NHSL1: variants seen among roughly 807,000 people sequenced by gnomAD.
The protein encoded by NHSL1 is NHS like 1, also known as NHS-like protein 1.
NHSL1 carries 48 observed loss-of-function variants against 95.0 expected under a neutral mutation model. The ratio of observed to expected loss-of-function variants is 0.51; its 90% CI spans 0.40 to 0.64. The LOEUF (loss-of-function observed/expected upper bound fraction) is 0.64, where lower values mean the gene tolerates loss of function less well. Among genes scored for constraint, NHSL1 ranks in the 30% least tolerant of loss-of-function variants. The pLI is 0.00. For missense variants in NHSL1, 1,971 were observed against 2,077.7 expected, an observed-to-expected ratio of 0.95 and a Z score of 1.00; for synonymous variants, 783 against 833.9, an observed-to-expected ratio of 0.94 and a Z score of 1.05.
At chr6:138,558,369 G>A (rs1470262197) in intron 1 of NHSL1, among the ~76,000 whole-genome samples, 1 of 151,206 alleles carries the variant, frequency 6.6e-6, no homozygotes, top group African/African-American at 2.4e-5. Context: ...TGATCCACCT[G>A]CGTCAGCCTC....
chr6:138,592,856 T>G (rs1489417335), intron 1 of NHSL1, among the ~76,000 whole-genome samples: 1 of 152,176 alleles, frequency 6.6e-6, no homozygotes, highest in Non-Finnish European at 1.5e-5. Context: ...TAGACAATAA[T>G]TAACCTTTCT....
At chr6:138,627,404 T>C (rs1784755051) in intron 1 of NHSL1, among the ~76,000 whole-genome samples, 1 of 152,234 alleles carries the variant, frequency 6.6e-6, no homozygotes, top group Non-Finnish European at 1.5e-5. Context: ...TGTATTAACA[T>C]TATAGACTAC....
chr6:138,671,014 A>G (rs1785360937), intron 1 of NHSL1, among the ~76,000 whole-genome samples: 1 of 152,000 alleles, frequency 6.6e-6, no homozygotes, highest in Admixed American at 6.6e-5. Flanking sequence ...TTAGCCAGGC[A>G]TGGTGGTGCA....
At chr6:138,650,498 G>A (rs1177620490) in intron 1 of NHSL1, 4 of 730,852 alleles carry the variant, frequency 5.5e-6, no homozygotes, top group Admixed American at 4.0e-5. Context: ...CATCCACCAG[G>A]TAGGCACTGA....
chr6:138,439,489 T>A (rs1358885776), intron 5 of NHSL1, among the ~76,000 whole-genome samples: 1 of 152,164 alleles, frequency 6.6e-6, no homozygotes, highest in Admixed American at 6.5e-5. Flanking sequence ...TGTAAAATAC[T>A]GGGAAAAAAG....
intron 1 of NHSL1, among the ~76,000 whole-genome samples, chr6:138,595,994 G>GA (rs1156703334): frequency 6.6e-6 from 1 of 151,428 alleles, no homozygotes; most frequent in Non-Finnish European, 1.5e-5. Context: ...AACCCCAAGA[G>GA]AAAAAAAGGC....
At chr6:138,489,577 C>A (rs1367766788) in intron 2 of NHSL1, among the ~76,000 whole-genome samples, 1 of 151,544 alleles carries the variant, frequency 6.6e-6, no homozygotes, top group African/African-American at 2.4e-5. Context: ...CCAGACAGGG[C>A]AACAAGGCAA....
At chr6:138,567,376 A>C (rs1035158968) in intron 1 of NHSL1, among the ~76,000 whole-genome samples, 6 of 152,234 alleles carry the variant, frequency 3.9e-5, no homozygotes, top group Admixed American at 3.9e-4. Flanking sequence ...TGTTATGCCC[A>C]CTTCGGCCTC....
chr6:138,446,878 A>C, intron 4 of NHSL1, 123 bp downstream of exon 4: 1 of 813,120 alleles, frequency 1.2e-6, no homozygotes, highest in South Asian at 1.7e-5. Flanking sequence ...TTAAACAAAG[A>C]GCATGAAGTT....
chr6:138,498,464 C>T (rs1780486814), intron 1 of NHSL1, among the ~76,000 whole-genome samples: 1 of 152,190 alleles, frequency 6.6e-6, no homozygotes, highest in African/African-American at 2.4e-5. Flanking sequence ...TTGTAGCTTT[C>T]TCCAAAGCTC....
exon 1 of NHSL1, chr6:138,572,147 C>A: frequency 2.3e-6 from 1 of 441,336 alleles, no homozygotes. Flanking sequence ...TTGTGGACTC[C>A]GTTTCTAGAT....
At chr6:138,613,272 C>G (rs572585768) in intron 1 of NHSL1, among the ~76,000 whole-genome samples, 1 of 152,240 alleles carries the variant, frequency 6.6e-6, no homozygotes, top group South Asian at 2.1e-4. Flanking sequence ...GGTTTCTGAT[C>G]GAGGTGGAGT....
At chr6:138,566,608 A>G (rs1447625790) in intron 1 of NHSL1, among the ~76,000 whole-genome samples, 1 of 151,730 alleles carries the variant, frequency 6.6e-6, no homozygotes, top group South Asian at 2.1e-4. Flanking sequence ...CATATTTTTC[A>G]TAATTTAAAT....
At chr6:138,559,142 C>T (rs1783315929) in intron 1 of NHSL1, among the ~76,000 whole-genome samples, 1 of 152,164 alleles carries the variant, frequency 6.6e-6, no homozygotes, top group Non-Finnish European at 1.5e-5. Context: ...GGCTAGAATC[C>T]AAAAATTGGA....
In NHSL1 at chr6:138,430,542, G is replaced by A; in HGVS notation, c.3803C>T (p.Ala1268Val). The change falls in exon 6 of 8, where the codon GCA becomes GTA. Residue 1268 changes from alanine (A) to valine (V), a missense_variant. By Grantham distance (64) the Ala-to-Val change is moderately conservative (BLOSUM62 0). Transcript: ENST00000343505. The surrounding 1 kb of genome is among the most constrained non-coding windows in gnomAD (Gnocchi z 4.7). ...CACTCTGCTGGGAGACATGGATCCT[G>A]CAGCTCCTCCCTCAAGAACCGAGGT... Reference protein sequence around the residue: ...PGTSVLEGGAAGSMSPSRVEA... With the variant: ...PGTSVLEGGAVGSMSPSRVEA... The A allele has an allele frequency of 1.3e-6, 2 of 1,551,246 alleles. No individual in the cohort carries two copies. The highest frequency in any genetic ancestry group is 1.7e-6 in the Non-Finnish European group (2 of 1,146,710).
upstream of NHSL1, among the ~76,000 whole-genome samples, chr6:138,500,236 T>C (rs1448086056): frequency 6.6e-6 from 1 of 152,202 alleles, no homozygotes; most frequent in East Asian, 1.9e-4. Flanking sequence ...CTCAATGTTG[T>C]CTCAAACAAA....
chr6:138,580,781 T>C (rs1231026452), intron 1 of NHSL1, among the ~76,000 whole-genome samples: 1 of 152,138 alleles, frequency 6.6e-6, no homozygotes, highest in Admixed American at 6.5e-5. Context: ...GGGAGAGAAA[T>C]CTATAAATGT....
At chr6:138,615,140 G>A (rs1784562314) in intron 1 of NHSL1, among the ~76,000 whole-genome samples, 1 of 152,160 alleles carries the variant, frequency 6.6e-6, no homozygotes, top group Admixed American at 6.5e-5. Context: ...GGCCCCACAG[G>A]CTGCAGCAGG....
intron 1 of NHSL1, among the ~76,000 whole-genome samples, chr6:138,523,642 A>C (rs1011478306): frequency 6.6e-6 from 1 of 150,758 alleles, no homozygotes; most frequent in African/African-American, 2.4e-5. Context: ...AAAAAAAAAA[A>C]AAAAAAAAAA....
Sources: gnomAD v4.1 joint callset for allele counts (sites outside exome capture counted in the v4.1 genomes callset) on GRCh38, gnomAD v4.1.1 for gene constraint, Gnocchi (gnomAD v3.1) non-coding constraint, MANE v1.5 for transcripts, NCBI Gene and HGNC (gene_info 2026-07-23, HGNC 2026-07-21) for gene names.